ATP2C2: variants seen among roughly 807,000 people sequenced by gnomAD.
ATP2C2 encodes the protein ATPase secretory pathway Ca2+ transporting 2.
A neutral mutation model predicts 110.8 loss-of-function variants in ATP2C2; 171 were observed. The observed-to-expected ratio is 1.54, with a 90% CI of 1.36 to 1.75. The LOEUF (loss-of-function observed/expected upper bound fraction) is 1.75. Ranked by LOEUF, ATP2C2 falls within the 40% of genes most tolerant of loss-of-function variation. The pLI is 0.00. For synonymous variants in ATP2C2, 804 were observed against 508.4 expected, an observed-to-expected ratio of 1.58 and a Z score of -7.82; for missense variants, 1,963 against 1,235.0, an observed-to-expected ratio of 1.59 and a Z score of -8.84.
intron 11 of ATP2C2, among the ~76,000 whole-genome samples, chr16:84,433,635 G>C (rs11149653): frequency 0.18 from 27,768 of 151,774 alleles, 2,905 homozygotes; most frequent in East Asian, 0.5. Flanking sequence ...CTAGGGAACA[G>C]AGCAAGACTC....
At chr16:84,433,523 T>A (rs1295322155) in intron 11 of ATP2C2, among the ~76,000 whole-genome samples, 2 of 151,872 alleles carry the variant, frequency 1.3e-5, no homozygotes, top group Non-Finnish European at 2.9e-5. Context: ...CATGGTGGCG[T>A]ATGCCTGTAG....
At chr16:84,436,363 C>G (rs1012061528) in intron 11 of ATP2C2, among the ~76,000 whole-genome samples, 1 of 152,128 alleles carries the variant, frequency 6.6e-6, no homozygotes, top group African/African-American at 2.4e-5. Flanking sequence ...GCTCTGGGAT[C>G]GCCACGTGGG....
chr16:84,430,301 C>T (rs990352728), intron 11 of ATP2C2, among the ~76,000 whole-genome samples: 1 of 152,140 alleles, frequency 6.6e-6, no homozygotes, highest in African/African-American at 2.4e-5. Flanking sequence ...GACCCGTCTA[C>T]GCGAACGGCA....
chr16:84,437,388 T>C (rs796843570), intron 11 of ATP2C2, among the ~76,000 whole-genome samples: 1 of 151,754 alleles, frequency 6.6e-6, no homozygotes, highest in African/African-American at 2.4e-5. Context: ...ATATATAATT[T>C]TTTTTTTTGT....
chr16:84,378,483 T>G (rs1007939713), intron 1 of ATP2C2, among the ~76,000 whole-genome samples: 1 of 152,214 alleles, frequency 6.6e-6, no homozygotes, highest in Admixed American at 6.5e-5. Flanking sequence ...GAAGCTGTGT[T>G]GGGTAACAGA....
In ATP2C2 at chr16:84,459,331, A is replaced by C. The variant is rs1230956581; in HGVS notation, c.2278A>C (p.Asn760His). ...CGTGTTCAACCTGCCCAGCCCCCTC[A>C]ACGCCATGCAGATCCTATGGATCAA... ...STVFNLPSPL[N>H]AMQILWINII... Residue 760 changes from asparagine to histidine, a missense_variant, in exon 23 of 27, where the codon AAC (asparagine) becomes CAC (histidine). Coordinates refer to ENST00000262429, the MANE Select transcript of ATP2C2 (RefSeq NM_014861.4). 6.2e-7 allele frequency: 1 copy of C among 1,614,138 alleles called. No homozygotes were observed.
chr16:84,450,999 T>C (rs572542638), intron 17 of ATP2C2, among the ~76,000 whole-genome samples: 6 of 152,164 alleles, frequency 3.9e-5, no homozygotes, highest in Non-Finnish European at 7.4e-5. Context: ...GTGGGTCTTA[T>C]ACCATGAGTG....
At chr16:84,408,214 A>T (rs73243739) in intron 3 of ATP2C2, among the ~76,000 whole-genome samples, 191 bp from the exon 4 acceptor site, 70 of 152,234 alleles carry the variant, frequency 4.6e-4, no homozygotes, top group Middle Eastern at 3.4e-3. Flanking sequence ...GGGAGGGTCA[A>T]TTGGGTGGAG....
rs370930045 is a variant in ATP2C2 at position 84,389,529 on chromosome 16, T to C, written c.100-8970T>C. ...GTATACTGGAAAATCATCTGGTGTTTATCTGGAGTGCAAAGGTAACTGGCA... is the reference window on the plus strand; with the variant it reads ...GTATACTGGAAAATCATCTGGTGTTCATCTGGAGTGCAAAGGTAACTGGCA... On this transcript the variant is annotated intron_variant, in intron 1 of 26. Coordinates refer to ENST00000262429, the MANE Select transcript of ATP2C2 (RefSeq NM_014861.4). 8.5e-5 allele frequency among the ~76,000 whole-genome samples: 13 copies of C among 152,292 alleles called. No homozygotes were observed. The South Asian group carries it at 2.7e-3, about 32-fold the overall frequency.
intron 6 of ATP2C2, among the ~76,000 whole-genome samples, chr16:84,412,705 C>T (rs913024097): frequency 9.9e-5 from 15 of 152,062 alleles, no homozygotes; most frequent in African/African-American, 3.6e-4. Flanking sequence ...TCAAAAAAGG[C>T]CAAAGTCTTC....
In ATP2C2 at chr16:84,460,694, C is replaced by T. The variant is rs758960686; in HGVS notation, c.2374C>T (p.Pro792Ser). ...CGTTGACAAAGACGCCTTCAGGCAG[C>T]CACCACGGAGTGTGCGGGACACCAT... ...EPVDKDAFRQ[P>S]PRSVRDTILS... The change falls in exon 24 of 27, where the codon CCA becomes TCA. Residue 792 changes from proline to serine, a missense_variant. Pro to Ser is a moderately conservative substitution (Grantham distance 74). Coordinates refer to ENST00000262429, the MANE Select transcript of ATP2C2 (RefSeq NM_014861.4). 1.2e-5 allele frequency: 19 copies of T among 1,614,108 alleles called. No individual in the cohort carries two copies. The highest frequency in any genetic ancestry group is 3.3e-5 in the Admixed American group (2 of 60,012).
intron 11 of ATP2C2, 95 bp downstream of exon 11, chr16:84,425,896 A>T: frequency 6.8e-7 from 1 of 1,469,158 alleles, no homozygotes; most frequent in Non-Finnish European, 9.5e-7. Context: ...GCTGCAGAAT[A>T]GGAAGGGTTG....
intron 6 of ATP2C2, among the ~76,000 whole-genome samples, chr16:84,412,570 ATGTGTGTG>A (rs1567705593): frequency 6.1e-5 from 7 of 114,464 alleles, no homozygotes; most frequent in African/African-American, 1.9e-4. Context: ...GTGTGTGTGT[ATGTGTGTG>A]TGTGGAGATG....
intron 1 of ATP2C2, among the ~76,000 whole-genome samples, chr16:84,394,516 G>A (rs1904855012): frequency 6.6e-6 from 1 of 152,102 alleles, no homozygotes; most frequent in Admixed American, 6.5e-5. Flanking sequence ...TGTAGCAAGT[G>A]TGTTTCCCAG....
chr16:84,462,273 C>G, intron 26 of ATP2C2, 144 bp downstream of exon 26: 1 of 1,099,968 alleles, frequency 9.1e-7, no homozygotes. Context: ...CAGGGCCCTT[C>G]TGTCCTCACA....
intron 11 of ATP2C2, among the ~76,000 whole-genome samples, chr16:84,436,049 A>G (rs1038295202): frequency 7.9e-5 from 12 of 152,138 alleles, no homozygotes; most frequent in Admixed American, 2.0e-4. Context: ...GAATTGCATG[A>G]AGCTGGGGGG....
At chr16:84,407,584 C>T (rs556709270) in intron 3 of ATP2C2, 70 of 152,320 alleles carry the variant, frequency 4.6e-4, no homozygotes, top group African/African-American at 1.7e-3. Context: ...GATCCTCCTG[C>T]CTTAGCCTTC....
At chr16:84,461,448 G>T in intron 24 of ATP2C2, 2 of 575,052 alleles carry the variant, frequency 3.5e-6, no homozygotes, top group Non-Finnish European at 6.2e-6. Context: ...CAGGGAGACA[G>T]TTACTTCCTG....
intron 3 of ATP2C2, 55 bp from the exon 4 acceptor site, chr16:84,408,350 C>A (rs1021776152): frequency 1.3e-6 from 2 of 1,532,186 alleles, no homozygotes; most frequent in Admixed American, 1.7e-5. Flanking sequence ...AGTAAGAAAC[C>A]CATTCTGGTC....
Sources: allele counts gnomAD v4.1 joint callset (sites outside exome capture counted in the v4.1 genomes callset), GRCh38; gene constraint gnomAD v4.1.1; transcripts MANE v1.5; gene names NCBI Gene and HGNC (gene_info 2026-07-23, HGNC 2026-07-21).